NDUFAF2: variants seen among roughly 807,000 people sequenced by gnomAD.
The protein encoded by NDUFAF2 is NADH dehydrogenase [ubiquinone] 1 alpha subcomplex assembly factor 2.
NDUFAF2 carries 13 observed loss-of-function variants against 22.8 expected under a neutral mutation model. The ratio of observed to expected loss-of-function variants is 0.57; its 90% CI spans 0.37 to 0.91. NDUFAF2 has a LOEUF of 0.91. NDUFAF2 is among the 40% of genes least tolerant of loss of function. NDUFAF2 has a pLI of 0.01. For synonymous variants in NDUFAF2, 53 were observed against 64.2 expected, an observed-to-expected ratio of 0.83 and a Z score of 0.84; for missense variants, 162 against 195.2, an observed-to-expected ratio of 0.83 and a Z score of 1.01.
chr5:61,047,372 G>A (rs531195844), intron 1 of NDUFAF2, among the ~76,000 whole-genome samples: 2 of 151,966 alleles, frequency 1.3e-5, no homozygotes, highest in Non-Finnish European at 2.9e-5. Context: ...AGAGCCAGGT[G>A]GTCTGGCTCC....
chr5:61,125,393 A>T (rs1296422102), intron 3 of NDUFAF2, among the ~76,000 whole-genome samples: 1 of 152,058 alleles, frequency 6.6e-6, no homozygotes, highest in Non-Finnish European at 1.5e-5. Flanking sequence ...AGAAGAATAC[A>T]GTGGCAGGCT....
chr5:61,101,217 C>G (rs1005581372), intron 3 of NDUFAF2, among the ~76,000 whole-genome samples: 1 of 152,044 alleles, frequency 6.6e-6, no homozygotes, highest in African/African-American at 2.4e-5. Flanking sequence ...AATTATAAGG[C>G]AAATTCCACC....
intron 1 of NDUFAF2, among the ~76,000 whole-genome samples, chr5:61,012,582 A>G (rs1338166424): frequency 6.6e-6 from 1 of 151,978 alleles, no homozygotes; most frequent in Non-Finnish European, 1.5e-5. Flanking sequence ...AATTTCCAAA[A>G]TTCTGCTTAG....
chr5:61,038,571 T>G (rs1751831695), intron 1 of NDUFAF2, among the ~76,000 whole-genome samples: 1 of 152,098 alleles, frequency 6.6e-6, no homozygotes, highest in East Asian at 1.9e-4. Flanking sequence ...TTATTAGGAG[T>G]GATAATCTAA....
intron 2 of NDUFAF2, among the ~76,000 whole-genome samples, chr5:61,077,286 T>C (rs1440684635): frequency 6.6e-6 from 1 of 151,928 alleles, no homozygotes; most frequent in Non-Finnish European, 1.5e-5. Flanking sequence ...AAAGTTTAGT[T>C]AGAGACAATG....
chr5:60,983,195 C>T (rs1425923966), intron 1 of NDUFAF2, among the ~76,000 whole-genome samples: 2 of 149,400 alleles, frequency 1.3e-5, no homozygotes, highest in Non-Finnish European at 3.0e-5. Flanking sequence ...GCATAAATGT[C>T]TTCTCTTGAG....
At position 60,965,657 on chromosome 5, in the gene NDUFAF2, G is replaced by T. The variant is rs191094943; in HGVS notation, c.127+20275G>T. On this transcript the variant is annotated intron_variant, in intron 1 of 3. Transcript: ENST00000296597. ...TGCCTGTCTTATTTCACTTAGCGTAGTATCTTCCAGGTTCATTCATGTTGT... is the reference window on the plus strand; with the variant it reads ...TGCCTGTCTTATTTCACTTAGCGTATTATCTTCCAGGTTCATTCATGTTGT... 3.3e-5 allele frequency among the ~76,000 whole-genome samples: 5 copies of T among 152,188 alleles called. No individual in the cohort carries two copies. The East Asian group carries it at 9.7e-4, about 29-fold the overall frequency.
intron 3 of NDUFAF2, among the ~76,000 whole-genome samples, chr5:61,147,470 C>T (rs1741158723): frequency 1.9e-5 from 1 of 53,824 alleles, no homozygotes; most frequent in Admixed American, 2.7e-4. Context: ...AACAGGGTTT[C>T]ACCATGTTGT....
At chr5:61,010,397 C>A (rs866824730) in intron 1 of NDUFAF2, among the ~76,000 whole-genome samples, 1 of 152,086 alleles carries the variant, frequency 6.6e-6, no homozygotes, top group Non-Finnish European at 1.5e-5. Flanking sequence ...TTCTTCAATT[C>A]GTTTTCTGTG....
Position 61,029,700 on chromosome 5 carries a change from G to A in NDUFAF2, c.128-43425G>A, listed in dbSNP as rs545582058. Among the ~76,000 whole-genome samples the A allele has an allele frequency of 1.8e-4, 28 of 152,204 alleles. No homozygotes were observed. In the South Asian group the frequency reaches 4.8e-3, roughly 26 times the overall value. On this transcript the variant is annotated intron_variant, in intron 1 of 3. Coordinates refer to ENST00000296597, the MANE Select transcript of NDUFAF2 (RefSeq NM_174889.5). ...CCAGTGAACAGAGGTCAGGCAAGGCGAAAAGTTGTTTGTCATCTGCCAAGC... is the reference window on the plus strand; with the variant it reads ...CCAGTGAACAGAGGTCAGGCAAGGCAAAAAGTTGTTTGTCATCTGCCAAGC...
chr5:61,046,610 G>A (rs765031860), intron 1 of NDUFAF2, among the ~76,000 whole-genome samples: 9 of 152,044 alleles, frequency 5.9e-5, no homozygotes, highest in African/African-American at 9.7e-5. Flanking sequence ...GAAGGGCTTA[G>A]TGATAACACA....
chr5:61,111,621 T>G (rs1579836192), intron 3 of NDUFAF2, among the ~76,000 whole-genome samples: 1 of 151,686 alleles, frequency 6.6e-6, no homozygotes, highest in Non-Finnish European at 1.5e-5. Flanking sequence ...TTGTTTGTTT[T>G]TTTGTCTTTT....
intron 1 of NDUFAF2, among the ~76,000 whole-genome samples, chr5:61,057,730 C>T (rs1045600908): frequency 2.6e-5 from 4 of 152,018 alleles, no homozygotes; most frequent in Admixed American, 2.6e-4. Context: ...TATTGGCATC[C>T]GAGACTTTTA....
intron 3 of NDUFAF2, among the ~76,000 whole-genome samples, chr5:61,117,968 C>A (rs1452559160): frequency 6.6e-6 from 1 of 152,116 alleles, no homozygotes; most frequent in Non-Finnish European, 1.5e-5. Flanking sequence ...GATGCCTATA[C>A]CACTGGATAC....
chr5:61,066,629 GGAT>G (rs1168299295), intron 1 of NDUFAF2, among the ~76,000 whole-genome samples: 1 of 151,802 alleles, frequency 6.6e-6, no homozygotes, highest in Non-Finnish European at 1.5e-5. Context: ...AAAAATCTGC[GGAT>G]GATCAATTCA....
At chr5:61,072,341 T>TGGGTTTGCCA (rs1752309854) in intron 1 of NDUFAF2, among the ~76,000 whole-genome samples, 1 of 152,168 alleles carries the variant, frequency 6.6e-6, no homozygotes. Flanking sequence ...TTGGCTCCCT[T>TGGGTTTGCCA]GGGTTTGCCA....
At chr5:61,071,399 C>G (rs1580121832) in intron 1 of NDUFAF2, among the ~76,000 whole-genome samples, 1 of 152,294 alleles carries the variant, frequency 6.6e-6, no homozygotes, top group East Asian at 1.9e-4. Flanking sequence ...TATGAACTCC[C>G]AGCCTTTCAC....
chr5:61,150,478 A>G (rs1489350439), intron 3 of NDUFAF2, among the ~76,000 whole-genome samples: 4 of 152,224 alleles, frequency 2.6e-5, no homozygotes, highest in African/African-American at 9.6e-5. Flanking sequence ...TAGCTATTAT[A>G]AGAAAGTCTT....
intron 2 of NDUFAF2, among the ~76,000 whole-genome samples, chr5:61,090,432 C>T (rs1415846250): frequency 2.0e-5 from 3 of 151,818 alleles, no homozygotes; most frequent in Admixed American, 6.6e-5. Flanking sequence ...AAATACTGTT[C>T]GTCTTTTGAT....
Sources: gnomAD v4.1 joint callset for allele counts (sites outside exome capture counted in the v4.1 genomes callset) on GRCh38, gnomAD v4.1.1 for gene constraint, MANE v1.5 for transcripts, NCBI Gene and HGNC (gene_info 2026-07-23, HGNC 2026-07-21) for gene names.